Variants in SLC18B1 observed in about 807,000 individuals in gnomAD.
The protein encoded by SLC18B1 is MFS-type transporter SLC18B1.
SLC18B1 carries 62 observed loss-of-function variants against 53.9 expected under a neutral mutation model. The ratio of observed to expected loss-of-function variants is 1.15; its 90% CI spans 0.94 to 1.42. The LOEUF (loss-of-function observed/expected upper bound fraction) is 1.42, where lower values mean the gene tolerates loss of function less well. Ranked by LOEUF, SLC18B1 falls within the 40% of genes most tolerant of loss-of-function variation. The pLI is 0.00. For synonymous variants in SLC18B1, 217 were observed against 200.9 expected, an observed-to-expected ratio of 1.08 and a Z score of -0.68; for missense variants, 598 against 547.3, an observed-to-expected ratio of 1.09 and a Z score of -0.93.
At chr6:132,785,445 T>C (rs555566574) in intron 5 of SLC18B1, among the ~76,000 whole-genome samples, 2 of 152,370 alleles carry the variant, frequency 1.3e-5, no homozygotes, top group East Asian at 3.9e-4. Context: ...TTAGGGACCT[T>C]AAACAGAGAT....
At chr6:132,792,265 A>G (rs762491239) in intron 2 of SLC18B1, among the ~76,000 whole-genome samples, 1,308 of 45,008 alleles carry the variant, frequency 0.029, 34 homozygotes, top group Middle Eastern at 0.067. Flanking sequence ...GAAAGAAAGA[A>G]AGAAAGAAAG....
intron 5 of SLC18B1, among the ~76,000 whole-genome samples, chr6:132,787,066 A>G (rs1175156315): frequency 1.3e-5 from 2 of 152,218 alleles, no homozygotes; most frequent in African/African-American, 4.8e-5. Flanking sequence ...GCCACTAGGG[A>G]TAACTCTTTT....
At chr6:132,782,530 T>C (rs1781264228) in intron 6 of SLC18B1, among the ~76,000 whole-genome samples, 1 of 152,094 alleles carries the variant, frequency 6.6e-6, no homozygotes, top group Non-Finnish European at 1.5e-5. Flanking sequence ...AATAAGATAA[T>C]TGACATGTCC....
rs1420553524 is a variant in SLC18B1, at chr6:132,787,475, TAGA to T, written c.457_459del (p.Ser153del). 6 of 1,604,674 alleles carry T rather than the reference TAGA, an allele frequency of 3.7e-6. No homozygotes were observed. Among genetic ancestry groups the T allele is most frequent in the Non-Finnish European group, 5.1e-6 (6 of 1,177,118 alleles). On this transcript the variant is annotated inframe_deletion, in exon 5 of 14. Transcript: ENST00000275227. The stretch of plus-strand genomic sequence containing the variant: ...TTATTTGGAAAAGCCTTTGCCAGGA[TAGA>T]AGAAGATGCAGTCATTGCTGCAGCA...
chr6:132,777,899 T>A (rs1781138979), intron 7 of SLC18B1, among the ~76,000 whole-genome samples: 3 of 152,180 alleles, frequency 2.0e-5, no homozygotes, highest in Admixed American at 2.0e-4. Flanking sequence ...TTCTTATGGG[T>A]GTCACACGCG....
At position 132,790,166 on chromosome 6, in the gene SLC18B1, T is replaced by G. The variant is rs1319432285; in HGVS notation, c.279+11A>C. The G allele has an allele frequency of 3.9e-6, 6 of 1,542,664 alleles. No homozygotes were observed. The highest frequency in any genetic ancestry group is 4.4e-6 in the Non-Finnish European group (5 of 1,142,126). On this transcript the variant is annotated intron_variant, in intron 3 of 13. Coordinates refer to ENST00000275227, the MANE Select transcript of SLC18B1 (RefSeq NM_052831.3). ...TAAAAATTAAGATGTGCATATGAAC[T>G]TTATACTTACATAGTTTCCAAATAC...
chr6:132,771,153 T>C lies in SLC18B1; in HGVS notation c.1161-24A>G, dbSNP rs79710188. ...CACTAACAATAGAAAGAAGAAAAAG[T>C]ATTCAATAGTGCAAAAAATAAATAA... On this transcript the variant is annotated intron_variant, in intron 11 of 13. Transcript: ENST00000275227. 6.3e-6 allele frequency: 10 copies of C among 1,589,222 alleles called. No individual in the cohort carries two copies. The Admixed American group carries it at 6.8e-5, about 11-fold the overall frequency.
chr6:132,797,121 C>T lies in SLC18B1; in HGVS notation c.44G>A (p.Gly15Asp), dbSNP rs1405502862. Residue 15 changes from glycine to aspartate, a missense_variant and splice_region_variant, in exon 2 of 14, where the codon GGT (glycine) becomes GAT (aspartate). Transcript: ENST00000275227. ...GDLEGPRAPG[G>D]DDPAGSAGET... ...TCCTGCACTTCCTGCAGGATCATCA[C>T]CTTGAATGCAAACATGCAGCAATTA... 1 of 1,612,572 alleles carries T rather than the reference C, an allele frequency of 6.2e-7. No individual in the cohort carries two copies. Among genetic ancestry groups the T allele is most frequent in the Non-Finnish European group, 8.5e-7 (1 of 1,179,618 alleles).
Position 132,787,718 on chromosome 6 carries a change from T to A in SLC18B1, c.354-137A>T, listed in dbSNP as rs1048030855. 36 of 727,650 alleles carry A rather than the reference T, an allele frequency of 4.9e-5. No homozygotes were observed. In the African/African-American group the frequency reaches 5.7e-4, roughly 12 times the overall value. 45.1% of individuals were successfully genotyped at this position (727,650 alleles called of 1,614,324 possible). On this transcript the variant is annotated intron_variant, in intron 4 of 13. Transcript: ENST00000275227. ...AAACCGCTTTAGAATATGATTTTTT[T>A]AAAAGAGTTGCTTTGTTGTCTTTTC... is the stretch of plus-strand genomic sequence containing the variant.
intron 13 of SLC18B1, among the ~76,000 whole-genome samples, chr6:132,770,543 C>G (rs934062773): frequency 6.6e-6 from 1 of 152,096 alleles, no homozygotes; most frequent in East Asian, 1.9e-4. Flanking sequence ...CGAGACCAGC[C>G]TGGCCAACAT....
chr6:132,796,532 G>GAAAAAAAA (rs56286125), intron 2 of SLC18B1, among the ~76,000 whole-genome samples: 1 of 77,890 alleles, frequency 1.3e-5, no homozygotes, highest in Admixed American at 1.7e-4. Context: ...GTCTCGAAAG[G>GAAAAAAAA]AAAAAAAAAA....
chr6:132,772,279 T>A, intron 10 of SLC18B1, 73 bp from the exon 11 acceptor site: 1 of 858,068 alleles, frequency 1.2e-6, no homozygotes. Flanking sequence ...GTATGATAGA[T>A]CAATTAAGAT....
chr6:132,779,501 G>T, intron 6 of SLC18B1, 97 bp from the exon 7 acceptor site: 2 of 1,328,782 alleles, frequency 1.5e-6, no homozygotes, highest in Non-Finnish European at 2.1e-6. Context: ...TCTTTATCTG[G>T]TAATCAAAAT....
In SLC18B1 at chr6:132,770,006, T is replaced by A. The variant is rs1206987013; in HGVS notation, c.*264A>T. On this transcript the variant is annotated 3_prime_UTR_variant, in exon 14 of 14. Transcript: ENST00000275227. ...AGGACAAGTTTGGTCATTTAAAAACTAAGTCTTGTTTTGTTTTGCTTGTTT... is the reference window on the plus strand; with the variant it reads ...AGGACAAGTTTGGTCATTTAAAAACAAAGTCTTGTTTTGTTTTGCTTGTTT... 2 of 273,458 alleles carry A rather than the reference T, an allele frequency of 7.3e-6. No homozygotes were observed. The highest frequency in any genetic ancestry group is 1.4e-5 in the Non-Finnish European group (2 of 146,686). The allele number at this position is 273,458 out of a possible 1,614,324, so 16.9% of individuals were successfully genotyped here. A position where few individuals can be genotyped will look rare whatever the true frequency, so the allele number is the denominator to read the frequency against.
At chr6:132,779,169 C>A in intron 7 of SLC18B1, 99 bp downstream of exon 7, 1 of 1,425,676 alleles carries the variant, frequency 7.0e-7, no homozygotes, top group Admixed American at 2.0e-5. Flanking sequence ...ACCTTCTTCT[C>A]CCAGCCACGC....
chr6:132,777,554 C>T (rs1328637287), intron 7 of SLC18B1, among the ~76,000 whole-genome samples: 1 of 151,952 alleles, frequency 6.6e-6, no homozygotes, highest in Non-Finnish European at 1.5e-5. Context: ...TCTACTAAAA[C>T]TACAGAAAAA....
chr6:132,774,101 T>C (rs1010117916), intron 9 of SLC18B1, 121 bp downstream of exon 9: 4 of 606,476 alleles, frequency 6.6e-6, no homozygotes, highest in African/African-American at 3.8e-5. Context: ...AATAGAGTCC[T>C]AAAGTTAATT....
At position 132,798,433 on chromosome 6, in the gene SLC18B1, C is replaced by T. The variant is rs1474778483; in HGVS notation, c.24G>A (p.Glu8=). 1 of 1,530,486 alleles carries T rather than the reference C, an allele frequency of 6.5e-7. No homozygotes were observed. Among genetic ancestry groups the T allele is most frequent in the Admixed American group, 2.1e-5 (1 of 47,954 alleles). The allele number at this position is 1,530,486 out of a possible 1,614,324, so 94.8% of individuals were successfully genotyped here. Residue 8 remains glutamate (E), a synonymous_variant, in exon 1 of 14, where the codon GAG becomes GAA. Coordinates refer to ENST00000275227, the MANE Select transcript of SLC18B1 (RefSeq NM_052831.3). ...GGTCACCTCCTGGTGCGCGTGGTCC[C>T]TCCAGGTCACCCAGCGCCTCCATCC... The part of the protein sequence containing the change: MEALGDL[E]GPRAPGGDDP...
rs751157425 is a variant in SLC18B1, at chr6:132,787,433, C to A, written c.501+1G>T. The A allele has an allele frequency of 1.9e-6, 3 of 1,587,116 alleles. No individual in the cohort carries two copies. The Admixed American group carries it at 5.7e-5, about 30-fold the overall frequency. ...GTGGGAAATACTTCTAAAATACATA[C>A]CAATACCGTAGCCACGTTATTTGGA... is the stretch of plus-strand genomic sequence containing the variant. On this transcript the variant is annotated splice_donor_variant, in intron 5 of 13. Coordinates refer to ENST00000275227, the MANE Select transcript of SLC18B1 (RefSeq NM_052831.3). LOFTEE classifies it high-confidence loss of function.
Sources: gnomAD v4.1 joint callset for allele counts (sites outside exome capture counted in the v4.1 genomes callset) on GRCh38, gnomAD v4.1.1 for gene constraint, MANE v1.5 for transcripts, NCBI Gene and HGNC (gene_info 2026-07-23, HGNC 2026-07-21) for gene names.